Variants in ELFN1 observed in about 807,000 individuals in gnomAD.
ELFN1 encodes the protein extracellular leucine rich repeat and fibronectin type III domain containing 1.
A neutral mutation model predicts 7.6 loss-of-function variants in ELFN1; 6 were observed. The observed-to-expected ratio is 0.79, with a 90% confidence interval of 0.43 to 1.56. The LOEUF is 1.56. Among genes scored for constraint, ELFN1 ranks in the 40% most tolerant of loss-of-function variants. The pLI is 0.01. For synonymous variants in ELFN1, 657 were observed against 588.1 expected (o/e 1.12, Z -1.70); for missense variants, 1,169 against 1,232.2 (o/e 0.95, Z 0.77).
rs764789529 is a variant in ELFN1 at position 1,745,661 on chromosome 7, C to T, written c.1065C>T (p.Thr355=). The T allele has an allele frequency of 1.3e-5, 20 of 1,551,240 alleles. No individual in the cohort carries two copies. The highest frequency in any genetic ancestry group is 1.1e-4 in the African/African-American group (8 of 73,058). Reference sequence around the variant, plus strand: ...ATTTCAACAACAGCAAGGCCTCCACCGTGTCCAGGCTGACCAAGGCCCAGG... The same window carrying T: ...ATTTCAACAACAGCAAGGCCTCCACTGTGTCCAGGCTGACCAAGGCCCAGG... The part of the protein sequence containing the change: ...LEHFNNSKAS[T]VSRLTKAQEE... The change falls in exon 4 of 4, where the codon ACC becomes ACT. Residue 355 remains threonine, a synonymous_variant. Coordinates refer to ENST00000424383, the MANE Select transcript of ELFN1 (RefSeq NM_001128636.4).
At chr7:1,741,885 G>C (rs1177168642) in intron 3 of ELFN1, among the ~76,000 whole-genome samples, 7 of 152,182 alleles carry the variant, frequency 4.6e-5, no homozygotes, top group African/African-American at 1.7e-4. Flanking sequence ...CACCTGCTCT[G>C]CCCAGGGCCC....
In ELFN1 at chr7:1,670,316, G is replaced by T. The variant is rs1044986308; in HGVS notation, c.-587G>T. 6.6e-6 allele frequency among the ~76,000 whole-genome samples: 1 copy of T among 151,918 alleles called. No homozygotes were observed. Among genetic ancestry groups the T allele is most frequent in the South Asian group, 2.1e-4 (1 of 4,834 alleles). The stretch of plus-strand genomic sequence containing the variant: ...AGTTAGAGCTTGAAGGACGGCGGCG[G>T]CTGCGGGCGCAGCCCCGGAACCGAG... On this transcript the variant is annotated 5_prime_UTR_variant, in exon 1 of 4. Transcript: ENST00000424383. The surrounding 1 kb of genome is among the most constrained non-coding windows in gnomAD (Gnocchi z 6.4).
intron 1 of ELFN1, among the ~76,000 whole-genome samples, chr7:1,684,818 T>A (rs968631934): frequency 1.3e-5 from 2 of 152,204 alleles, no homozygotes; most frequent in South Asian, 2.1e-4. Flanking sequence ...TTATAACATA[T>A]AACAATATAG....
intron 3 of ELFN1, among the ~76,000 whole-genome samples, chr7:1,725,964 A>G (rs1469673413): frequency 3.4e-5 from 5 of 145,150 alleles, no homozygotes; most frequent in Admixed American, 2.0e-4. Context: ...AAGTCACACA[A>G]TACACAAAAA....
intron 3 of ELFN1, among the ~76,000 whole-genome samples, chr7:1,727,504 C>G (rs1780229883): frequency 6.6e-6 from 1 of 151,662 alleles, no homozygotes; most frequent in African/African-American, 2.4e-5. Context: ...CCTGGGCTGC[C>G]CTAGAAGGGT....
At chr7:1,712,268 C>G (rs960144336) in intron 3 of ELFN1, among the ~76,000 whole-genome samples, 3 of 152,138 alleles carry the variant, frequency 2.0e-5, no homozygotes, top group African/African-American at 7.2e-5. Context: ...ACTACAGGCA[C>G]CCGCCACCAC....
intron 3 of ELFN1, among the ~76,000 whole-genome samples, chr7:1,731,893 G>A (rs373049229): frequency 1.3e-5 from 2 of 152,210 alleles, no homozygotes; most frequent in South Asian, 2.1e-4. Context: ...CAGGTGATCT[G>A]TCCGCCTCGG....
At chr7:1,696,480 C>T (rs561674445) in intron 2 of ELFN1, among the ~76,000 whole-genome samples, 2 of 151,898 alleles carry the variant, frequency 1.3e-5, no homozygotes, top group South Asian at 2.1e-4. Context: ...CAGCCTCCAC[C>T]TCCTGGGCTC....
At chr7:1,729,652 G>C (rs1780284391) in intron 3 of ELFN1, among the ~76,000 whole-genome samples, 1 of 152,226 alleles carries the variant, frequency 6.6e-6, no homozygotes, top group Non-Finnish European at 1.5e-5. Context: ...GGCGTGCTGA[G>C]CTAGACCCTG....
chr7:1,696,275 ATG>A (rs1779308574), intron 2 of ELFN1, among the ~76,000 whole-genome samples: 1 of 146,734 alleles, frequency 6.8e-6, no homozygotes, highest in African/African-American at 2.6e-5. Flanking sequence ...AGAGAAAGAG[ATG>A]GAGAGAGAGA....
chr7:1,720,673 G>A (rs962254126), intron 3 of ELFN1, among the ~76,000 whole-genome samples: 5 of 152,086 alleles, frequency 3.3e-5, no homozygotes, highest in African/African-American at 1.2e-4. Flanking sequence ...GTGCATCTCA[G>A]GCCCTGGAGA....
At chr7:1,719,331 A>G (rs1779943741) in intron 3 of ELFN1, among the ~76,000 whole-genome samples, 1 of 128,482 alleles carries the variant, frequency 7.8e-6, no homozygotes, top group African/African-American at 3.8e-5. Flanking sequence ...AGCCACCAAC[A>G]GGGCCCCGCC....
At chr7:1,669,436 GCA>G (rs1191464377), upstream of ELFN1, among the ~76,000 whole-genome samples, 5 of 152,092 alleles carry the variant, frequency 3.3e-5, no homozygotes, top group Admixed American at 6.5e-5. Context: ...GCTTGTCCAG[GCA>G]CCGCCGGGGC....
chr7:1,726,811 A>G (rs1007549055), intron 3 of ELFN1, among the ~76,000 whole-genome samples: 1 of 152,134 alleles, frequency 6.6e-6, no homozygotes, highest in African/African-American at 2.4e-5. Flanking sequence ...GCGGGCTGGG[A>G]TGCCTCCTCC....
At chr7:1,675,045 G>A (rs1038091210) in intron 1 of ELFN1, among the ~76,000 whole-genome samples, 1 of 152,226 alleles carries the variant, frequency 6.6e-6, no homozygotes, top group East Asian at 1.9e-4. Flanking sequence ...CCTCATATCC[G>A]GGCTCAGCTG....
intron 1 of ELFN1, among the ~76,000 whole-genome samples, chr7:1,679,358 G>A (rs1026222925): frequency 6.6e-5 from 10 of 152,182 alleles, no homozygotes; most frequent in African/African-American, 2.4e-4. Context: ...CCCTGCAGGA[G>A]GCTCTGGGAC....
At chr7:1,668,012 G>C (rs1289024187), upstream of ELFN1, among the ~76,000 whole-genome samples, 3 of 150,376 alleles carry the variant, frequency 2.0e-5, no homozygotes, top group African/African-American at 4.9e-5. Flanking sequence ...CGTGCAGCCC[G>C]GCCTCCAGTC....
At chr7:1,706,107 G>A (rs1422893874) in intron 2 of ELFN1, among the ~76,000 whole-genome samples, 3 of 152,208 alleles carry the variant, frequency 2.0e-5, no homozygotes, top group Non-Finnish European at 4.4e-5. Flanking sequence ...CCACATACAA[G>A]GGCAGGAGCC....
chr7:1,673,997 C>A lies in ELFN1; in HGVS notation c.-549+3643C>A, dbSNP rs548112240. On this transcript the variant is annotated intron_variant, in intron 1 of 3. Transcript: ENST00000424383. This position sits in a 1 kb window ranked among gnomAD's most constrained non-coding sequence, Gnocchi z 4.7. ...GGAGGCAGAGAGGACGACTACTCCG[C>A]TCCCTGCTCCAGGCCACGGGGGTAC... 1.3e-4 allele frequency among the ~76,000 whole-genome samples: 20 copies of A among 152,316 alleles called. 1 individual carries two copies. In the East Asian group the frequency reaches 3.7e-3, roughly 28 times the overall value.
Sources: allele counts gnomAD v4.1 joint callset (sites outside exome capture counted in the v4.1 genomes callset), GRCh38; gene constraint gnomAD v4.1.1; non-coding constraint Gnocchi (gnomAD v3.1); transcripts MANE v1.5; gene names NCBI Gene and HGNC (gene_info 2026-07-23, HGNC 2026-07-21).